Variants in ATP2B4 observed in about 807,000 individuals in gnomAD.
ATP2B4 encodes ATPase plasma membrane Ca2+ transporting 4, also known as plasma membrane calcium-transporting ATPase 4.
In ATP2B4, 39 loss-of-function variants were observed where a neutral mutation model predicts 110.3. That is an observed-to-expected ratio of 0.35 (90% CI 0.27 to 0.46). The LOEUF (loss-of-function observed/expected upper bound fraction) is 0.46, where lower values mean the gene tolerates loss of function less well. Ranked by LOEUF, ATP2B4 falls within the 20% of genes least tolerant of loss-of-function variation. The probability of loss-of-function intolerance (pLI) is 1.00; values close to 1 mark genes in which losing one functional copy is unlikely to be tolerated. For missense variants in ATP2B4, 1,135 were observed against 1,530.9 expected (o/e 0.74, Z 4.32); for synonymous variants, 538 against 571.7 (o/e 0.94, Z 0.84).
chr1:203,635,522 A>G (rs1259911963), intron 1 of ATP2B4, among the ~76,000 whole-genome samples: 1 of 152,106 alleles, frequency 6.6e-6, no homozygotes, highest in Non-Finnish European at 1.5e-5. Flanking sequence ...TTAGCTGGGC[A>G]TGGAGGCTGT....
chr1:203,715,383 G>A (rs561534725), intron 15 of ATP2B4, among the ~76,000 whole-genome samples: 1 of 142,600 alleles, frequency 7.0e-6, no homozygotes, highest in Admixed American at 7.0e-5. Flanking sequence ...TGAAACCCCA[G>A]CTCTACTAAA....
At chr1:203,702,982 C>G (rs1665736849) in intron 7 of ATP2B4, among the ~76,000 whole-genome samples, 1 of 152,060 alleles carries the variant, frequency 6.6e-6, no homozygotes, top group Non-Finnish European at 1.5e-5. Flanking sequence ...TCTCTTATTC[C>G]AGGAGGTCCC....
In ATP2B4 at chr1:203,742,074, G is replaced by C. The variant is rs1434981240; in HGVS notation, c.*2220G>C. The C allele has an allele frequency of 2.0e-5, 3 of 152,554 alleles. No homozygotes were observed. In the East Asian group the frequency reaches 5.8e-4, roughly 29 times the overall value. The allele number at this position is 152,554 out of a possible 1,614,324, so 9.5% of individuals were successfully genotyped here. A position where few individuals can be genotyped will look rare whatever the true frequency, so the allele number is the denominator to read the frequency against. ...TTGTGTTCTAGTTTCCATAATAGGAGAGAAAATATAGAAATATATGCAAAA... is the reference window on the plus strand; with the variant it reads ...TTGTGTTCTAGTTTCCATAATAGGACAGAAAATATAGAAATATATGCAAAA... On this transcript the variant is annotated 3_prime_UTR_variant, in exon 21 of 21. Coordinates refer to ENST00000357681, the MANE Select transcript of ATP2B4 (RefSeq NM_001684.5).
Position 203,723,417 on chromosome 1 carries a change from GAT to G in ATP2B4, c.3025-461_3025-460del, listed in dbSNP as rs1271629885. 2.0e-3 allele frequency among the ~76,000 whole-genome samples: 134 copies of G among 67,470 alleles called. 5 individuals are homozygous for G. The highest frequency in any genetic ancestry group is 7.3e-3 in the African/African-American group (128 of 17,464). The allele number at this position is 67,470 out of a possible 152,430, so 44.3% of individuals were successfully genotyped here. On this transcript the variant is annotated intron_variant, in intron 18 of 20. Transcript: ENST00000357681. ...GTTTTTTTTTTTTTCGTTTGAGACA[GAT>G]ATCTCTCTCTCTCTCTCTCTCTCTC... is the stretch of plus-strand genomic sequence containing the variant.
intron 1 of ATP2B4, among the ~76,000 whole-genome samples, chr1:203,646,243 G>T (rs889872737): frequency 1.9e-4 from 2 of 10,712 alleles, no homozygotes; most frequent in Non-Finnish European, 6.7e-3. Context: ...AGAAAGTAAG[G>T]CTCAAGAGAT....
intron 8 of ATP2B4, 53 bp from the exon 9 acceptor site, chr1:203,706,956 G>T: frequency 6.7e-7 from 1 of 1,494,230 alleles, no homozygotes; most frequent in Non-Finnish European, 9.3e-7. Context: ...CTCTGGCTAG[G>T]GCCCTAGGAC....
In ATP2B4 at chr1:203,678,542, C is replaced by T. The variant is rs1238184655; in HGVS notation, c.-464-4200C>T. Reference sequence around the variant, plus strand: ...CCTCAGCCTCCCAACTTGCTAGGACCACAGGTGTGCGCCATCATGCCCAGC... The same window carrying T: ...CCTCAGCCTCCCAACTTGCTAGGACTACAGGTGTGCGCCATCATGCCCAGC... On this transcript the variant is annotated intron_variant, in intron 1 of 20. Transcript: ENST00000357681. Among the ~76,000 whole-genome samples, 3 of 151,980 alleles carry T rather than the reference C, an allele frequency of 2.0e-5. No individual in the cohort carries two copies. In the East Asian group the frequency reaches 5.8e-4, roughly 29 times the overall value.
intron 1 of ATP2B4, chr1:203,656,837 C>A (rs1358433729): frequency 3.0e-6 from 1 of 334,058 alleles, no homozygotes; most frequent in Non-Finnish European, 5.4e-6. Context: ...TAAAACTGGA[C>A]CATTTTAATG....
intron 1 of ATP2B4, among the ~76,000 whole-genome samples, chr1:203,680,482 G>A (rs997402071): frequency 1.3e-5 from 2 of 152,086 alleles, no homozygotes; most frequent in East Asian, 1.9e-4. Context: ...GGTGGTGGGC[G>A]CCTGTGGTCC....
intron 2 of ATP2B4, among the ~76,000 whole-genome samples, chr1:203,684,122 C>T (rs1032097720): frequency 6.6e-6 from 1 of 151,920 alleles, no homozygotes; most frequent in Non-Finnish European, 1.5e-5. Flanking sequence ...TTCTTCCCTA[C>T]ACTGATCTTA....
rs190089627 is a variant in ATP2B4 at position 203,722,035 on chromosome 1, C to T, written c.2813-443C>T. On this transcript the variant is annotated intron_variant, in intron 17 of 20. Transcript: ENST00000357681. ...GTACATAGTTGCAGTAAAATTCAAA[C>T]CTATGATTGCCTGACTCCAGCGCAC... 2.6e-5 allele frequency among the ~76,000 whole-genome samples: 4 copies of T among 152,234 alleles called. No homozygotes were observed. The East Asian group carries it at 7.7e-4, about 29-fold the overall frequency.
intron 1 of ATP2B4, among the ~76,000 whole-genome samples, chr1:203,673,758 G>C (rs1039102523): frequency 1.3e-5 from 2 of 152,124 alleles, no homozygotes; most frequent in Non-Finnish European, 2.9e-5. Context: ...AGCTGCCCCT[G>C]GTGCTCCCTT....
chr1:203,687,309 AAAG>A (rs1665227183), intron 2 of ATP2B4, among the ~76,000 whole-genome samples: 2 of 152,184 alleles, frequency 1.3e-5, no homozygotes, highest in African/African-American at 4.8e-5. Flanking sequence ...AAAAAAAAGA[AAAG>A]AAAAGAAGAT....
rs1307736987 is a variant in ATP2B4, at chr1:203,707,101, TG to T, written c.1193del (p.Cys398LeufsTer40). On this transcript the variant is annotated frameshift_variant, in exon 9 of 21. Transcript: ENST00000357681. LOFTEE classifies it high-confidence loss of function. ...VINRRPWLPECTPIYIQYFVK... is the reference protein window; with the variant it reads ...VINRRPWLPEXTPIYIQYFVK... ...AAATCGCAGACCATGGCTCCCTGAG[TG>T]TACTCCCATCTACATCCAGTACTTT... is the stretch of plus-strand genomic sequence containing the variant. 6.2e-7 allele frequency: 1 copy of T among 1,614,142 alleles called. No homozygotes were observed. The highest frequency in any genetic ancestry group is 1.7e-5 in the Admixed American group (1 of 60,010).
intron 1 of ATP2B4, among the ~76,000 whole-genome samples, chr1:203,681,629 G>T (rs1022776666): frequency 6.6e-6 from 1 of 152,120 alleles, no homozygotes; most frequent in African/African-American, 2.4e-5. Context: ...CTCAGGATAA[G>T]TTCTCTTCCC....
chr1:203,711,811 T>G, intron 12 of ATP2B4, 149 bp from the exon 13 acceptor site: 1 of 822,944 alleles, frequency 1.2e-6, no homozygotes, highest in South Asian at 1.7e-5. Context: ...CACCCAACAG[T>G]ATCAAAATGA....
At chr1:203,684,901 C>G (rs1156963245) in intron 2 of ATP2B4, among the ~76,000 whole-genome samples, 1 of 151,366 alleles carries the variant, frequency 6.6e-6, no homozygotes, top group Non-Finnish European at 1.5e-5. Flanking sequence ...CTCTTGTTGC[C>G]CAGGCAGGCT....
At position 203,709,519 on chromosome 1, in the gene ATP2B4, C is replaced by T. The variant is rs376314813; in HGVS notation, c.1776C>T (p.Gly592=). Residue 592 remains glycine (G), a synonymous_variant, in exon 11 of 21, where the codon GGC becomes GGT. Coordinates refer to ENST00000357681, the MANE Select transcript of ATP2B4 (RefSeq NM_001684.5). ...GTGGCTTCCGTATGTACAGCAAGGG[C>T]GCCTCTGAGATCATCTTGCGCAAGT... The part of the protein sequence containing the change: ...PNGGFRMYSK[G]ASEIILRKCN... The T allele has an allele frequency of 1.8e-5, 29 of 1,614,044 alleles. No homozygotes were observed. Among genetic ancestry groups the T allele is most frequent in the Middle Eastern group, 3.3e-4 (2 of 6,084 alleles).
In ATP2B4 at chr1:203,707,953, C is replaced by T. The variant is rs778946356; in HGVS notation, c.1406C>T (p.Thr469Met). 2 of 1,614,196 alleles carry T rather than the reference C, an allele frequency of 1.2e-6. No individual in the cohort carries two copies. Among genetic ancestry groups the T allele is most frequent in the South Asian group, 1.1e-5 (1 of 91,086 alleles). ...ATAICSDKTG[T>M]LTMNRMTVVQ... The stretch of plus-strand genomic sequence containing the variant: ...GCCATCTGCTCTGATAAGACAGGCA[C>T]GTTGACCATGAACCGCATGACTGTG... Residue 469 changes from threonine to methionine, a missense_variant, in exon 10 of 21, where the codon ACG (threonine) becomes ATG (methionine). Transcript: ENST00000357681.
Sources: allele counts gnomAD v4.1 joint callset (sites outside exome capture counted in the v4.1 genomes callset), GRCh38; gene constraint gnomAD v4.1.1; transcripts MANE v1.5; gene names NCBI Gene and HGNC (gene_info 2026-07-23, HGNC 2026-07-21).